KAZN: variants seen among roughly 807,000 people sequenced by gnomAD.
KAZN encodes kazrin, periplakin interacting protein.
In KAZN, 40 loss-of-function variants were observed where a neutral mutation model predicts 87.4. The ratio of observed to expected loss-of-function variants is 0.46; its 90% CI spans 0.36 to 0.60. The LOEUF (loss-of-function observed/expected upper bound fraction) is 0.60. Among genes scored for constraint, KAZN ranks in the 20% least tolerant of loss-of-function variants. The pLI is 0.00. For missense variants in KAZN, 898 were observed against 1,073.9 expected, an observed-to-expected ratio of 0.84 and a Z score of 2.29; for synonymous variants, 466 against 458.3, an observed-to-expected ratio of 1.02 and a Z score of -0.22.
chr1:14,040,359 T>C lies in KAZN; in HGVS notation c.92-140076T>C, dbSNP rs753747940. 1.4e-3 allele frequency among the ~76,000 whole-genome samples: 212 copies of C among 152,152 alleles called. 4 individuals are homozygous for C. The highest frequency in any genetic ancestry group is 1.6e-3 in the Non-Finnish European group (110 of 67,976). On this transcript the variant is annotated intron_variant, in intron 1 of 16. Transcript: ENST00000636203. Reference sequence around the variant, plus strand: ...AGTATGGGAGCCTTCAGATCTCCCGTGTATGTGGCCAGGAGTGCTGTGGGA... The same window carrying C: ...AGTATGGGAGCCTTCAGATCTCCCGCGTATGTGGCCAGGAGTGCTGTGGGA...
At chr1:15,005,507 C>T (rs1447568312) in intron 2 of KAZN, among the ~76,000 whole-genome samples, 4 of 152,072 alleles carry the variant, frequency 2.6e-5, no homozygotes, top group Admixed American at 6.6e-5. Flanking sequence ...TAAAGGGGGC[C>T]GGGTGCGGTG....
chr1:14,896,123 C>T (rs1198379896), intron 1 of KAZN, among the ~76,000 whole-genome samples: 1 of 146,734 alleles, frequency 6.8e-6, no homozygotes, highest in Non-Finnish European at 1.5e-5. Flanking sequence ...GGTGCAATCT[C>T]TGCTCACTGC....
At chr1:13,924,793 A>G (rs1640208647) in intron 1 of KAZN, among the ~76,000 whole-genome samples, 1 of 152,198 alleles carries the variant, frequency 6.6e-6, no homozygotes, top group African/African-American at 2.4e-5. Flanking sequence ...CAAAATGTAT[A>G]AAACGAAGCT....
intron 1 of KAZN, among the ~76,000 whole-genome samples, chr1:14,084,644 T>A (rs1347632382): frequency 5.4e-5 from 8 of 147,266 alleles, no homozygotes; most frequent in African/African-American, 1.8e-4. Context: ...TCTGTAACTT[T>A]AAAAAAAAAG....
upstream of KAZN, among the ~76,000 whole-genome samples, chr1:14,593,823 C>G (rs1676339926): frequency 6.6e-6 from 1 of 152,134 alleles, no homozygotes; most frequent in Admixed American, 6.5e-5. Flanking sequence ...AATTAAGTGG[C>G]AAGAGAGTGG....
intron 1 of KAZN, among the ~76,000 whole-genome samples, chr1:14,170,357 T>C (rs1557533148): frequency 1.3e-5 from 2 of 151,862 alleles, no homozygotes; most frequent in African/African-American, 2.4e-5. Context: ...TTATGACTCT[T>C]TCACTGGGTC....
chr1:14,572,147 G>A (rs989766683), intron 2 of KAZN, among the ~76,000 whole-genome samples: 2 of 152,138 alleles, frequency 1.3e-5, no homozygotes, highest in Admixed American at 6.5e-5. Context: ...ATGGGTAGGT[G>A]GGAAACTTTA....
chr1:14,285,829 C>T lies in KAZN; in HGVS notation c.249+105237C>T, dbSNP rs1039402403. Among the ~76,000 whole-genome samples, 11 of 152,306 alleles carry T rather than the reference C, an allele frequency of 7.2e-5. No homozygotes were observed. In the East Asian group the frequency reaches 7.7e-4, roughly 11 times the overall value. On this transcript the variant is annotated intron_variant, in intron 2 of 16. Coordinates refer to the KAZN transcript ENST00000636203. ...AGCCCCTTCTACTACAGCAAGTAAACGGCATGGTGGTGTGGGAGATCATCC... is the reference window on the plus strand; with the variant it reads ...AGCCCCTTCTACTACAGCAAGTAAATGGCATGGTGGTGTGGGAGATCATCC...
chr1:14,045,098 G>A (rs1642008823), intron 1 of KAZN, among the ~76,000 whole-genome samples: 2 of 152,198 alleles, frequency 1.3e-5, no homozygotes, highest in African/African-American at 4.8e-5. Flanking sequence ...AAGCCATCTT[G>A]GAAGTAGATC....
Position 15,117,792 on chromosome 1 carries a change from C to T in KAZN, c.*3157C>T, listed in dbSNP as rs2235784. 87,995 of 152,154 alleles carry T rather than the reference C, an allele frequency of 0.58. 25,809 individuals are homozygous for T. The highest frequency in any genetic ancestry group is 0.74 in the East Asian group (3,789 of 5,152). The allele number at this position is 152,154 out of a possible 1,614,324, so 9.4% of individuals were successfully genotyped here. ...ACTTCCACTCTGCTTTTCGAGGCTC[C>T]GGAGGGCTCTTCCTGCTGTGAAAGG... On this transcript the variant is annotated 3_prime_UTR_variant, in exon 15 of 15. Transcript: ENST00000376030.
intron 2 of KAZN, among the ~76,000 whole-genome samples, chr1:14,329,512 G>C (rs1211484208): frequency 1.3e-5 from 2 of 152,228 alleles, no homozygotes; most frequent in South Asian, 4.1e-4. Context: ...GCAGGGACAT[G>C]ATTGGCAGAT....
intron 2 of KAZN, among the ~76,000 whole-genome samples, chr1:15,020,508 T>G (rs1670558658): frequency 6.6e-6 from 1 of 152,168 alleles, no homozygotes; most frequent in East Asian, 1.9e-4. Context: ...GCATCGTCTC[T>G]TCTTAGCACT....
intron 2 of KAZN, among the ~76,000 whole-genome samples, chr1:14,392,685 C>T (rs993408274): frequency 9.9e-5 from 15 of 152,012 alleles, no homozygotes; most frequent in Non-Finnish European, 1.6e-4. Context: ...AGTAGCACAC[C>T]TCGGTCATGA....
At chr1:14,725,809 A>G (rs939430681) in intron 1 of KAZN, among the ~76,000 whole-genome samples, 2 of 152,264 alleles carry the variant, frequency 1.3e-5, no homozygotes, top group African/African-American at 2.4e-5. Context: ...TCCTGGTTCA[A>G]TAGGTCTGGG....
intron 1 of KAZN, among the ~76,000 whole-genome samples, chr1:14,908,748 C>T (rs2101359971): frequency 6.6e-6 from 1 of 152,164 alleles, no homozygotes; most frequent in East Asian, 1.9e-4. Context: ...GGCATGGTGG[C>T]TCACGCCTGT....
chr1:14,934,952 G>A (rs1660279642), intron 1 of KAZN, among the ~76,000 whole-genome samples: 3 of 152,228 alleles, frequency 2.0e-5, no homozygotes, highest in African/African-American at 7.2e-5. Flanking sequence ...GCTGATCTGG[G>A]GTAGCCCTTC....
intron 2 of KAZN, among the ~76,000 whole-genome samples, chr1:14,586,321 A>G (rs1315576584): frequency 6.6e-6 from 1 of 152,232 alleles, no homozygotes; most frequent in East Asian, 1.9e-4. Flanking sequence ...CAAACGCCAC[A>G]GTTTAATACG....
rs1414805789 is a variant in KAZN, at chr1:15,060,302, C to T, written c.1047C>T (p.Asn349=). ...GACACCGGACACACTCCCTCTGCAA[C>T]GTAAGGCCAGCAGCAGCGGGGCCTG... is the stretch of plus-strand genomic sequence containing the variant. ...SPRHRTHSLC[N]GDSPGPVQKN... is the part of the protein sequence containing the mutation. Residue 349 remains asparagine, a splice_region_variant and synonymous_variant, in exon 6 of 15, where the codon AAC becomes AAT. Coordinates refer to ENST00000376030, the MANE Select transcript of KAZN (RefSeq NM_201628.3). The T allele has an allele frequency of 1.2e-6, 2 of 1,614,024 alleles. No homozygotes were observed. Among genetic ancestry groups the T allele is most frequent in the East Asian group, 2.2e-5 (1 of 44,898 alleles).
intron 2 of KAZN, among the ~76,000 whole-genome samples, chr1:14,189,281 G>T (rs887496829): frequency 1.3e-5 from 2 of 152,080 alleles, no homozygotes; most frequent in African/African-American, 4.8e-5. Context: ...TTTCAGAATG[G>T]ATGTTCTTGT....
Sources: allele counts gnomAD v4.1 joint callset (sites outside exome capture counted in the v4.1 genomes callset), GRCh38; gene constraint gnomAD v4.1.1; transcripts MANE v1.5; gene names NCBI Gene and HGNC (gene_info 2026-07-23, HGNC 2026-07-21).